Variants in RYK observed in about 807,000 individuals in gnomAD.
The protein encoded by RYK is receptor like tyrosine kinase, also known as inactive tyrosine-protein kinase RYK.
Under a neutral mutation model 70.2 loss-of-function variants are expected in RYK, and 21 were observed. The ratio of observed to expected loss-of-function variants is 0.30; its 90% CI spans 0.21 to 0.43. The LOEUF is 0.43. Ranked by LOEUF, RYK falls within the 20% of genes least tolerant of loss-of-function variation. RYK has a pLI of 1.00. For synonymous variants in RYK, 267 were observed against 278.0 expected (o/e 0.96, Z 0.39); for missense variants, 604 against 753.3 (o/e 0.80, Z 2.32).
At chr3:134,172,725 G>A (rs187398109) in intron 13 of RYK, among the ~76,000 whole-genome samples, 127 of 152,232 alleles carry the variant, frequency 8.3e-4, no homozygotes, top group Admixed American at 2.7e-3. Context: ...TGCTTTACTT[G>A]GTATGTTTAA....
chr3:134,247,374 T>TA (rs2015493387), intron 1 of RYK, among the ~76,000 whole-genome samples: 1 of 152,106 alleles, frequency 6.6e-6, no homozygotes, highest in African/African-American at 2.4e-5. Context: ...GCCTGAGGGA[T>TA]AAAAAAGACA....
intron 13 of RYK, among the ~76,000 whole-genome samples, chr3:134,160,157 G>C (rs527575252): frequency 6.6e-6 from 1 of 152,266 alleles, no homozygotes; most frequent in East Asian, 1.9e-4. Flanking sequence ...GGATACCTGT[G>C]TACTGTAGTA....
intron 1 of RYK, among the ~76,000 whole-genome samples, chr3:134,248,275 T>C (rs1040233430): frequency 1.3e-5 from 2 of 152,188 alleles, no homozygotes; most frequent in Non-Finnish European, 2.9e-5. Context: ...CAATGCTTCC[T>C]ACCCTCCCAG....
At chr3:134,214,103 G>A (rs186068295) in intron 2 of RYK, among the ~76,000 whole-genome samples, 61 of 152,172 alleles carry the variant, frequency 4.0e-4, no homozygotes, top group African/African-American at 1.3e-3. Context: ...CACCGCGCCC[G>A]GCCGAAGCTC....
chr3:134,192,017 T>C (rs2013655962), intron 7 of RYK, 43 bp from the exon 8 acceptor site: 2 of 1,596,364 alleles, frequency 1.3e-6, no homozygotes, highest in Non-Finnish European at 1.7e-6. Context: ...TAAATACCCT[T>C]ATTATGGTAT....
At chr3:134,190,555 T>TTAA (rs1553770357) in intron 8 of RYK, among the ~76,000 whole-genome samples, 6 of 146,812 alleles carry the variant, frequency 4.1e-5, no homozygotes, top group African/African-American at 1.5e-4. Flanking sequence ...CAAACTAACG[T>TTAA]AAAAAAAAAA....
intron 6 of RYK, among the ~76,000 whole-genome samples, chr3:134,195,717 C>T (rs534816943): frequency 5.3e-5 from 8 of 152,282 alleles, no homozygotes; most frequent in African/African-American, 9.6e-5. Flanking sequence ...GAGGCCAAGG[C>T]GGACAGATGA....
intron 14 of RYK, among the ~76,000 whole-genome samples, chr3:134,158,560 GTTAAA>G (rs1239268258): frequency 9.2e-5 from 14 of 152,270 alleles, no homozygotes; most frequent in African/African-American, 4.8e-5. Flanking sequence ...TTTTCCTGTA[GTTAAA>G]TTAAGAAAAG....
At chr3:134,231,119 A>G (rs2015047040) in intron 1 of RYK, among the ~76,000 whole-genome samples, 1 of 151,802 alleles carries the variant, frequency 6.6e-6, no homozygotes, top group Non-Finnish European at 1.5e-5. Context: ...AAGTATCAAG[A>G]GCATCTAGGA....
intron 1 of RYK, 83 bp from the exon 2 acceptor site, chr3:134,222,622 G>A: frequency 8.3e-7 from 1 of 1,202,862 alleles, no homozygotes; most frequent in South Asian, 1.4e-5. Context: ...TACAAATAGA[G>A]TGAAGATAAT....
At chr3:134,177,166 G>C (rs905723358) in intron 11 of RYK, among the ~76,000 whole-genome samples, 11 of 152,148 alleles carry the variant, frequency 7.2e-5, no homozygotes, top group African/African-American at 2.7e-4. Flanking sequence ...TTGGGGCTGA[G>C]GAATAAAATC....
intron 7 of RYK, 48 bp from the exon 8 acceptor site, chr3:134,192,022 T>C (rs1486632900): frequency 1.3e-6 from 2 of 1,592,560 alleles, no homozygotes; most frequent in Non-Finnish European, 1.7e-6. Flanking sequence ...ACCCTTATTA[T>C]GGTATTGGAG....
intron 1 of RYK, among the ~76,000 whole-genome samples, chr3:134,225,779 C>A (rs1295467892): frequency 6.6e-6 from 1 of 151,832 alleles, no homozygotes; most frequent in Non-Finnish European, 1.5e-5. Flanking sequence ...ATGGCTTGAG[C>A]TCAGGAATTT....
chr3:134,223,325 C>CA (rs1445900928), intron 1 of RYK, among the ~76,000 whole-genome samples: 1 of 152,184 alleles, frequency 6.6e-6, no homozygotes. Context: ...ATCAGGATCT[C>CA]AATTTTGTCA....
At chr3:134,245,911 A>G (rs2015453403) in intron 1 of RYK, among the ~76,000 whole-genome samples, 1 of 152,218 alleles carries the variant, frequency 6.6e-6, no homozygotes, top group Non-Finnish European at 1.5e-5. Flanking sequence ...CTCCTCTGCA[A>G]TCAGCTCCTC....
At chr3:134,173,920 G>A (rs1349170617) in intron 13 of RYK, among the ~76,000 whole-genome samples, 1 of 152,186 alleles carries the variant, frequency 6.6e-6, no homozygotes, top group Non-Finnish European at 1.5e-5. Flanking sequence ...GCAGTGAACT[G>A]AATGGTAGCC....
In RYK at chr3:134,159,225, A is replaced by G. The variant is rs1347869389; in HGVS notation, c.1712+12T>C. 2 of 1,613,212 alleles carry G rather than the reference A, an allele frequency of 1.2e-6. No homozygotes were observed. The highest frequency in any genetic ancestry group is 3.3e-5 in the Admixed American group (2 of 60,004). The stretch of plus-strand genomic sequence containing the variant: ...GAATAAAACTCATGCCTTCAAGCTC[A>G]AAAAAACTCACAATTCATCAGGACA... On this transcript the variant is annotated intron_variant, in intron 14 of 14. Transcript: ENST00000623711.
intron 1 of RYK, among the ~76,000 whole-genome samples, chr3:134,240,500 C>G (rs2015295889): frequency 6.6e-6 from 1 of 152,116 alleles, no homozygotes; most frequent in African/African-American, 2.4e-5. Context: ...TTTAAAGGTG[C>G]AAACTACTGT....
intron 10 of RYK, among the ~76,000 whole-genome samples, chr3:134,182,155 CA>C (rs201391893): frequency 0.12 from 12,466 of 101,540 alleles, 959 homozygotes; most frequent in South Asian, 0.38. Flanking sequence ...ACTCTGTCTC[CA>C]AAAAAAAAAA....
Sources: allele counts gnomAD v4.1 joint callset (sites outside exome capture counted in the v4.1 genomes callset), GRCh38; gene constraint gnomAD v4.1.1; transcripts MANE v1.5; gene names NCBI Gene and HGNC (gene_info 2026-07-23, HGNC 2026-07-21).